SLC28A1: variants seen among roughly 807,000 people sequenced by gnomAD.
The protein encoded by SLC28A1 is solute carrier family 28 member 1.
SLC28A1 carries 64 observed loss-of-function variants against 74.8 expected under a neutral mutation model. That is an observed-to-expected ratio of 0.86 (90% CI 0.70 to 1.05). SLC28A1 has a LOEUF of 1.05. Ranked by LOEUF, SLC28A1 falls within the 50% of genes least tolerant of loss-of-function variation. The pLI is 0.00. For synonymous variants in SLC28A1, 359 were observed against 335.0 expected (o/e 1.07, Z -0.78); for missense variants, 828 against 822.8 (o/e 1.01, Z -0.08).
chr15:84,943,953 G>C (rs764408428), intron 16 of SLC28A1, among the ~76,000 whole-genome samples: 14 of 152,080 alleles, frequency 9.2e-5, no homozygotes, highest in Non-Finnish European at 2.1e-4. Flanking sequence ...TTTCCTCCTA[G>C]CCCTAGAATT....
intron 9 of SLC28A1, among the ~76,000 whole-genome samples, chr15:84,910,450 T>C (rs377099461): frequency 1.1e-4 from 17 of 152,288 alleles, no homozygotes; most frequent in East Asian, 5.8e-4. Context: ...CACACTCAGC[T>C]GGGCGCGGTG....
At chr15:84,894,119 C>A (rs570186063) in intron 5 of SLC28A1, among the ~76,000 whole-genome samples, 9 of 152,270 alleles carry the variant, frequency 5.9e-5, no homozygotes. Flanking sequence ...CGCTTGTAAT[C>A]GCAGCACTTT....
the SLC28A1 span, among the ~76,000 whole-genome samples, chr15:84,965,911 G>GGGGGGGGGGC: frequency 1.4e-5 from 2 of 145,766 alleles, 1 homozygote; most frequent in Admixed American, 1.4e-4. Flanking sequence ...GGAGGGGGGG[G>GGGGGGGGGGC]AAATATTAGG....
intron 12 of SLC28A1, among the ~76,000 whole-genome samples, chr15:84,928,576 T>TCTC (rs1970825136): frequency 1.1e-4 from 2 of 17,984 alleles, no homozygotes; most frequent in Non-Finnish European, 2.0e-4. Context: ...CTTTCTTTCT[T>TCTC]TCTTTCTTTC....
chr15:84,891,280 T>C (rs1386517515), intron 5 of SLC28A1, among the ~76,000 whole-genome samples: 1 of 152,098 alleles, frequency 6.6e-6, no homozygotes, highest in Non-Finnish European at 1.5e-5. Context: ...GGAGAGGTCC[T>C]TGGGAAGCAA....
chr15:84,945,217 TGCTTCTGC>T lies in SLC28A1; in HGVS notation c.*25_*32del. On this transcript the variant is annotated 3_prime_UTR_variant, in exon 19 of 19. Transcript: ENST00000394573. Reference sequence around the variant, plus strand: ...GCACAGTGAGGACAGAACATGCTTGTGCTTCTGCGCTTCTGAGGGCTGTTCTCCCCCGG... The same window carrying T: ...GCACAGTGAGGACAGAACATGCTTGTGCTTCTGAGGGCTGTTCTCCCCCGG... The T allele has an allele frequency of 6.2e-7, 1 of 1,612,620 alleles. No homozygotes were observed. Among genetic ancestry groups the T allele is most frequent in the Non-Finnish European group, 8.5e-7 (1 of 1,178,656 alleles).
Position 84,944,675 on chromosome 15 carries a change from G to A in SLC28A1, c.1762+11G>A. The A allele has an allele frequency of 6.2e-7, 1 of 1,610,568 alleles. No individual in the cohort carries two copies. ...ACGCCTGTATGGCAGGTGAGTGCAG[G>A]CCTGGCAGGCTCAGAAGGTGGAACC... On this transcript the variant is annotated intron_variant, in intron 17 of 18. Coordinates refer to ENST00000394573, the MANE Select transcript of SLC28A1 (RefSeq NM_004213.5).
intron 9 of SLC28A1, among the ~76,000 whole-genome samples, chr15:84,909,401 T>C (rs1181911784): frequency 6.6e-6 from 1 of 152,238 alleles, no homozygotes; most frequent in Non-Finnish European, 1.5e-5. Context: ...TTTACTGCAC[T>C]GCAAAATATT....
At chr15:84,917,265 C>T (rs1873665987) in intron 9 of SLC28A1, among the ~76,000 whole-genome samples, 1 of 152,122 alleles carries the variant, frequency 6.6e-6, no homozygotes, top group Non-Finnish European at 1.5e-5. Flanking sequence ...ACACAGGACA[C>T]AGAATAGAGC....
At chr15:84,973,059 T>G in the SLC28A1 span, among the ~76,000 whole-genome samples, 1 of 137,962 alleles carries the variant, frequency 7.2e-6, no homozygotes, top group African/African-American at 3.5e-5. Flanking sequence ...GACAAGGCCC[T>G]GCATGGTCTG....
At chr15:84,949,157 C>T (rs184962599), downstream of SLC28A1, among the ~76,000 whole-genome samples, 83 of 152,308 alleles carry the variant, frequency 5.4e-4, no homozygotes, top group African/African-American at 1.9e-3. Context: ...CTGTTCCTCA[C>T]ATAACACATA....
At chr15:84,912,060 C>T (rs988394177) in intron 9 of SLC28A1, among the ~76,000 whole-genome samples, 7 of 152,110 alleles carry the variant, frequency 4.6e-5, no homozygotes, top group Admixed American at 1.3e-4. Context: ...ATTCCTGGAC[C>T]GTGTATTGGC....
At chr15:84,946,085 C>CATATATATATAT (rs1352839442), downstream of SLC28A1, among the ~76,000 whole-genome samples, 26 of 23,950 alleles carry the variant, frequency 1.1e-3, no homozygotes, top group Non-Finnish European at 1.3e-3. Context: ...TGTGTATGTT[C>CATATATATATAT]ATATATATAT....
intron 9 of SLC28A1, among the ~76,000 whole-genome samples, chr15:84,912,417 T>TG (rs1567150008): frequency 2.6e-5 from 4 of 152,116 alleles, no homozygotes; most frequent in Admixed American, 2.6e-4. Flanking sequence ...TGCTCTCTTC[T>TG]GGGGGGAAGT....
At chr15:84,884,856 C>A in intron 1 of SLC28A1, 105 bp downstream of exon 1, 1 of 480,770 alleles carries the variant, frequency 2.1e-6, no homozygotes, top group Non-Finnish European at 2.7e-6. Context: ...TCCTTTTTTT[C>A]TTCACTAGGG....
At chr15:84,906,307 A>G (rs1243338368) in intron 8 of SLC28A1, among the ~76,000 whole-genome samples, 1 of 151,792 alleles carries the variant, frequency 6.6e-6, no homozygotes, top group Non-Finnish European at 1.5e-5. Flanking sequence ...GGTGTAAGCC[A>G]CCACACCTGG....
At chr15:84,970,647 G>T in the SLC28A1 span, among the ~76,000 whole-genome samples, 7 of 152,054 alleles carry the variant, frequency 4.6e-5, no homozygotes, top group Non-Finnish European at 1.0e-4. Flanking sequence ...TTATGGCCTA[G>T]AGCAACTCGA....
At position 84,921,141 on chromosome 15, in the gene SLC28A1, C is replaced by A. The variant is rs1969784315; in HGVS notation, c.957+72C>A. The A allele has an allele frequency of 5.2e-6, 6 of 1,156,666 alleles. No individual in the cohort carries two copies. In the South Asian group the frequency reaches 6.2e-5, roughly 12 times the overall value. 71.7% of individuals were successfully genotyped at this position (1,156,666 alleles called of 1,614,324 possible). On this transcript the variant is annotated intron_variant, in intron 11 of 18. Coordinates refer to ENST00000394573, the MANE Select transcript of SLC28A1 (RefSeq NM_004213.5). Reference sequence around the variant, plus strand: ...AAAGAGGGCAGTTTCCCTGGATCCCCAGAGCTCTGATTCAGTCCAAGGAAG... The same window carrying A: ...AAAGAGGGCAGTTTCCCTGGATCCCAAGAGCTCTGATTCAGTCCAAGGAAG...
chr15:84,890,123 C>T (rs1350686237), intron 4 of SLC28A1, among the ~76,000 whole-genome samples: 1 of 74,818 alleles, frequency 1.3e-5, no homozygotes, highest in Non-Finnish European at 4.3e-5. Context: ...GTGTGAGCCA[C>T]CGCGCCCCCC....
Sources: gnomAD v4.1 joint callset for allele counts (sites outside exome capture counted in the v4.1 genomes callset) on GRCh38, gnomAD v4.1.1 for gene constraint, MANE v1.5 for transcripts, NCBI Gene and HGNC (gene_info 2026-07-23, HGNC 2026-07-21) for gene names.